Variants in OLFM2 observed in about 807,000 individuals in gnomAD.
OLFM2 encodes olfactomedin 2, also known as noelin-2.
Under a neutral mutation model 43.9 loss-of-function variants are expected in OLFM2, and 20 were observed. The ratio of observed to expected loss-of-function variants is 0.46; its 90% CI spans 0.32 to 0.66. The LOEUF is 0.66. Among genes scored for constraint, OLFM2 ranks in the 30% least tolerant of loss-of-function variants. The pLI, the probability that OLFM2 is intolerant of heterozygous loss-of-function variation, is 0.04. For missense variants in OLFM2, 416 were observed against 643.6 expected (o/e 0.65, Z 3.83); for synonymous variants, 268 against 278.6 (o/e 0.96, Z 0.38).
intron 1 of OLFM2, among the ~76,000 whole-genome samples, chr19:9,885,252 G>A (rs1190575941): frequency 6.6e-6 from 1 of 152,122 alleles, no homozygotes; most frequent in African/African-American, 2.4e-5. Flanking sequence ...TCCCAGACTG[G>A]GAGGCAGAGG....
intron 1 of OLFM2, among the ~76,000 whole-genome samples, chr19:9,866,148 C>T (rs1599468849): frequency 6.6e-6 from 1 of 152,172 alleles, no homozygotes; most frequent in Admixed American, 6.6e-5. Flanking sequence ...TTCTCTGCAG[C>T]AGTGTAATTA....
At chr19:9,882,942 T>C in intron 1 of OLFM2, among the ~76,000 whole-genome samples, 1 of 151,414 alleles carries the variant, frequency 6.6e-6, no homozygotes, top group Non-Finnish European at 1.5e-5. Flanking sequence ...CTCACACCTG[T>C]AATCCCCCCA....
At chr19:9,861,111 C>T (rs1332235568) in intron 1 of OLFM2, among the ~76,000 whole-genome samples, 1 of 147,786 alleles carries the variant, frequency 6.8e-6, no homozygotes, top group Non-Finnish European at 1.5e-5. Flanking sequence ...GAACAGAGAT[C>T]CACTCAAATA....
At chr19:9,906,822 C>T (rs972421797) in intron 1 of OLFM2, among the ~76,000 whole-genome samples, 1 of 152,154 alleles carries the variant, frequency 6.6e-6, no homozygotes, top group Non-Finnish European at 1.5e-5. Flanking sequence ...GCAGCAGTAA[C>T]AATCAGGCCT....
At position 9,854,149 on chromosome 19, in the gene OLFM2, A is replaced by AG; in HGVS notation, c.*36dup. ...AATGAAAAGGGCCCCCAGCCCCCAG[A>AG]GGCCCCCCAGGCAGCAGCCCGAGCC... On this transcript the variant is annotated 3_prime_UTR_variant, in exon 6 of 6. Transcript: ENST00000264833. This position sits in a 1 kb window ranked among gnomAD's most constrained non-coding sequence, Gnocchi z 9.5. The AG allele has an allele frequency of 6.3e-7, 1 of 1,596,270 alleles. No individual in the cohort carries two copies. Among genetic ancestry groups the AG allele is most frequent in the Non-Finnish European group, 8.6e-7 (1 of 1,164,318 alleles).
Position 9,857,891 on chromosome 19 carries a change from A to C in OLFM2, c.214-30T>G, listed in dbSNP as rs780009694. On this transcript the variant is annotated intron_variant, in intron 2 of 5. Coordinates refer to ENST00000264833, the MANE Select transcript of OLFM2 (RefSeq NM_058164.4). The surrounding 1 kb of genome is among the most constrained non-coding windows in gnomAD (Gnocchi z 5.7). The stretch of plus-strand genomic sequence containing the variant: ...GAATGGGGACAACTGAAGGGACCAG[A>C]CCTCCTTCCCCAAATCCCAACCCAG... The C allele has an allele frequency of 3.7e-6, 6 of 1,613,148 alleles. No homozygotes were observed. The highest frequency in any genetic ancestry group is 1.7e-6 in the Non-Finnish European group (2 of 1,179,896).
At chr19:9,866,079 G>C (rs1188381181) in intron 1 of OLFM2, among the ~76,000 whole-genome samples, 2 of 152,208 alleles carry the variant, frequency 1.3e-5, no homozygotes, top group African/African-American at 4.8e-5. Context: ...GGTGCAGAGA[G>C]AAGGCCTCCA....
At chr19:9,861,952 G>A (rs560101999) in intron 1 of OLFM2, among the ~76,000 whole-genome samples, 25 of 152,026 alleles carry the variant, frequency 1.6e-4, no homozygotes, top group East Asian at 5.8e-4. Flanking sequence ...CTTGGGAGGC[G>A]GAGGTTGCAG....
intron 1 of OLFM2, among the ~76,000 whole-genome samples, chr19:9,894,851 C>A (rs1440172752): frequency 6.6e-6 from 1 of 152,140 alleles, no homozygotes; most frequent in Admixed American, 6.6e-5. Flanking sequence ...TCCATCAACA[C>A]CTGCCTGTAT....
chr19:9,880,135 A>T (rs988342630), intron 1 of OLFM2, among the ~76,000 whole-genome samples: 4 of 152,108 alleles, frequency 2.6e-5, no homozygotes, highest in East Asian at 3.9e-4. Context: ...AAGTGCCAGG[A>T]TTACAGATGC....
chr19:9,921,417 C>T (rs1050527552), intron 1 of OLFM2, among the ~76,000 whole-genome samples: 36 of 152,126 alleles, frequency 2.4e-4, no homozygotes, highest in Non-Finnish European at 1.8e-4. Context: ...CTGCACCCAG[C>T]TAGGCAAAGG....
intron 1 of OLFM2, among the ~76,000 whole-genome samples, chr19:9,920,223 G>A (rs1332426874): frequency 6.6e-6 from 1 of 152,076 alleles, no homozygotes; most frequent in East Asian, 1.9e-4. Flanking sequence ...AGGCTGCAGT[G>A]AGCTATGATG....
intron 1 of OLFM2, among the ~76,000 whole-genome samples, chr19:9,905,983 G>A (rs968513714): frequency 1.8e-4 from 27 of 152,222 alleles, no homozygotes; most frequent in Admixed American, 1.7e-3. Flanking sequence ...CACGTCCCTT[G>A]GGTTCAGACA....
intron 1 of OLFM2, among the ~76,000 whole-genome samples, chr19:9,918,936 C>T (rs999772265): frequency 1.3e-5 from 2 of 152,068 alleles, no homozygotes; most frequent in African/African-American, 2.4e-5. Context: ...AAAATTGGAT[C>T]GGGGTGATGG....
At chr19:9,903,351 C>G (rs2046756943) in intron 1 of OLFM2, among the ~76,000 whole-genome samples, 1 of 142,396 alleles carries the variant, frequency 7.0e-6, no homozygotes. Context: ...CCTGAACAGC[C>G]AGGTACCCAC....
chr19:9,883,581 C>G (rs1444811550), intron 1 of OLFM2, among the ~76,000 whole-genome samples: 1 of 152,092 alleles, frequency 6.6e-6, no homozygotes, highest in Non-Finnish European at 1.5e-5. Context: ...GGGAGTGGAG[C>G]CAGAGGAGGC....
At chr19:9,901,163 AAAGG>A (rs1453141932) in intron 1 of OLFM2, among the ~76,000 whole-genome samples, 10 of 149,116 alleles carry the variant, frequency 6.7e-5, no homozygotes, top group African/African-American at 9.9e-5. Flanking sequence ...AAAAAGAAAG[AAAGG>A]AAGGAAGGAA....
In OLFM2 at chr19:9,857,376, A is replaced by C; in HGVS notation, c.467T>G (p.Leu156Arg). The change falls in exon 4 of 6, where the codon CTC becomes CGC. Residue 156 changes from leucine to arginine, a missense_variant. Transcript: ENST00000264833. This position sits in a 1 kb window ranked among gnomAD's most constrained non-coding sequence, Gnocchi z 5.7. The stretch of plus-strand genomic sequence containing the variant: ...CTGAATGGCCGCCAGACTGCCGGAG[A>C]GATTCCTCACCTCCTCCCGCAAGCG... The part of the protein sequence containing the change: ...IVRLREEVRN[L>R]SGSLAAIQEE... 1 of 1,614,110 alleles carries C rather than the reference A, an allele frequency of 6.2e-7. No individual in the cohort carries two copies. The highest frequency in any genetic ancestry group is 1.1e-5 in the South Asian group (1 of 91,076).
intron 1 of OLFM2, among the ~76,000 whole-genome samples, chr19:9,875,040 A>C (rs2046473580): frequency 1.3e-5 from 2 of 152,280 alleles, no homozygotes; most frequent in South Asian, 4.2e-4. Context: ...CATCACTGAG[A>C]GCTTTATCTT....
Sources: allele counts gnomAD v4.1 joint callset (sites outside exome capture counted in the v4.1 genomes callset), GRCh38; gene constraint gnomAD v4.1.1; non-coding constraint Gnocchi (gnomAD v3.1); transcripts MANE v1.5; gene names NCBI Gene and HGNC (gene_info 2026-07-23, HGNC 2026-07-21).